Variants in MITF observed in about 807,000 individuals in gnomAD.
The protein encoded by MITF is melanocyte inducing transcription factor, also known as microphthalmia-associated transcription factor.
A neutral mutation model predicts 60.5 loss-of-function variants in MITF; 17 were observed. The observed-to-expected ratio is 0.28, with a 90% CI of 0.19 to 0.42. MITF has a LOEUF of 0.42. Among genes scored for constraint, MITF ranks in the 10% least tolerant of loss-of-function variants. The probability of loss-of-function intolerance (pLI) is 1.00; values close to 1 mark genes in which losing one functional copy is unlikely to be tolerated. For missense variants in MITF, 622 were observed against 683.5 expected, an observed-to-expected ratio of 0.91 and a Z score of 1.00; for synonymous variants, 260 against 248.5, an observed-to-expected ratio of 1.05 and a Z score of -0.43.
chr3:69,832,575 C>T (rs9881217), intron 1 of MITF, among the ~76,000 whole-genome samples: 76,131 of 152,022 alleles, frequency 0.5, 20,761 homozygotes, highest in Non-Finnish European at 0.63. Context: ...GGATCACCTT[C>T]GTAGCTTGCT....
At chr3:69,777,869 G>T (rs76807115) in intron 1 of MITF, among the ~76,000 whole-genome samples, 1 of 152,134 alleles carries the variant, frequency 6.6e-6, no homozygotes, top group African/African-American at 2.4e-5. Context: ...TGGTAAGAAG[G>T]GTGGGCTTTA....
chr3:69,942,713 C>G (rs988136819), intron 5 of MITF, among the ~76,000 whole-genome samples: 40 of 152,136 alleles, frequency 2.6e-4, no homozygotes, highest in African/African-American at 9.4e-4. Context: ...AACCTTCCTG[C>G]TTACAAGTTG....
chr3:69,828,778 C>T (rs2063397074), intron 1 of MITF, among the ~76,000 whole-genome samples: 1 of 152,110 alleles, frequency 6.6e-6, no homozygotes, highest in African/African-American at 2.4e-5. Context: ...CATGTATGAA[C>T]ATATTCCTGG....
intron 1 of MITF, among the ~76,000 whole-genome samples, chr3:69,863,689 G>A (rs1208296890): frequency 6.6e-6 from 1 of 152,118 alleles, no homozygotes; most frequent in African/African-American, 2.4e-5. Flanking sequence ...AGTGCCTAAG[G>A]TGAGAGAGAA....
chr3:69,777,267 T>A (rs995470549), intron 1 of MITF, among the ~76,000 whole-genome samples: 17 of 152,230 alleles, frequency 1.1e-4, no homozygotes, highest in African/African-American at 3.6e-4. Flanking sequence ...GGAGTAAAGT[T>A]TTGACATGGT....
intron 1 of MITF, among the ~76,000 whole-genome samples, chr3:69,841,488 A>G (rs1376024025): frequency 1.3e-5 from 2 of 152,222 alleles, no homozygotes; most frequent in African/African-American, 4.8e-5. Context: ...TATACAATTT[A>G]TATTTTTAAC....
intron 2 of MITF, among the ~76,000 whole-genome samples, chr3:69,880,304 A>G (rs1172996914): frequency 6.6e-6 from 1 of 152,180 alleles, no homozygotes; most frequent in South Asian, 2.1e-4. Flanking sequence ...AAAGTTTACT[A>G]TTAAAGTAAA....
Position 69,967,038 on chromosome 3 carries a change from C to T in MITF, c.*1790C>T, listed in dbSNP as rs149491371. 4.3e-6 allele frequency: 1 copy of T among 232,052 alleles called. No homozygotes were observed. Among genetic ancestry groups the T allele is most frequent in the African/African-American group, 2.2e-5 (1 of 45,306 alleles). The allele number at this position is 232,052 out of a possible 1,614,324, so 14.4% of individuals were successfully genotyped here. On this transcript the variant is annotated 3_prime_UTR_variant, in exon 10 of 10. Transcript: ENST00000352241. The stretch of plus-strand genomic sequence containing the variant: ...AGTGCCAACTTCTTTCATCAGGAAA[C>T]CTTATTCAGGAGGGTTTTTAAAAAG...
chr3:69,739,552 G>T lies in MITF; in HGVS notation c.-46G>T, dbSNP rs759141166. 1 of 1,512,188 alleles carries T rather than the reference G, an allele frequency of 6.6e-7. No homozygotes were observed. The highest frequency in any genetic ancestry group is 1.2e-5 in the South Asian group (1 of 83,332). The allele number at this position is 1,512,188 out of a possible 1,614,324, so 93.7% of individuals were successfully genotyped here. A position where few individuals can be genotyped will look rare whatever the true frequency, so the allele number is the denominator to read the frequency against. ...CCAGCTACCTTCCCTCCGCCCCCGG[G>T]CTCTGTTCTCACTTTCCAGCAGTGG... On this transcript the variant is annotated 5_prime_UTR_variant, in exon 1 of 10. Coordinates refer to ENST00000352241, the MANE Select transcript of MITF (RefSeq NM_001354604.2).
At chr3:69,774,728 G>A (rs902483659) in intron 1 of MITF, among the ~76,000 whole-genome samples, 1 of 152,104 alleles carries the variant, frequency 6.6e-6, no homozygotes, top group Non-Finnish European at 1.5e-5. Flanking sequence ...GTTGGGGTGT[G>A]GGGTGCTAGA....
intron 1 of MITF, among the ~76,000 whole-genome samples, chr3:69,765,336 G>A (rs1460008195): frequency 6.6e-6 from 1 of 152,118 alleles, no homozygotes; most frequent in Non-Finnish European, 1.5e-5. Flanking sequence ...TTACTTTATG[G>A]AAATGAGTGC....
intron 1 of MITF, among the ~76,000 whole-genome samples, chr3:69,874,871 G>A (rs917910352): frequency 6.6e-6 from 1 of 152,160 alleles, no homozygotes; most frequent in East Asian, 1.9e-4. Context: ...TTGGGATTTA[G>A]CAAAACGTCA....
chr3:69,952,705 T>C (rs2066286931), intron 7 of MITF, among the ~76,000 whole-genome samples: 1 of 152,196 alleles, frequency 6.6e-6, no homozygotes, highest in South Asian at 2.1e-4. Flanking sequence ...CTGACCTTTT[T>C]CTGTGTATTA....
chr3:69,881,835 C>A (rs2064496538), intron 2 of MITF, among the ~76,000 whole-genome samples: 1 of 151,986 alleles, frequency 6.6e-6, no homozygotes, highest in Non-Finnish European at 1.5e-5. Context: ...TAAATATTTT[C>A]TCATAGTATG....
At chr3:69,775,070 G>T (rs571360098) in intron 1 of MITF, among the ~76,000 whole-genome samples, 36 of 152,258 alleles carry the variant, frequency 2.4e-4, no homozygotes, top group African/African-American at 8.4e-4. Flanking sequence ...CTTAAAGGTT[G>T]CTTCCCAACC....
intron 1 of MITF, among the ~76,000 whole-genome samples, chr3:69,857,256 C>G (rs1306998020): frequency 6.6e-6 from 1 of 152,008 alleles, no homozygotes; most frequent in East Asian, 1.9e-4. Context: ...AACAGAGAAC[C>G]ATAGAGAGGA....
chr3:69,914,827 C>G (rs559531755), intron 2 of MITF, among the ~76,000 whole-genome samples: 2 of 152,244 alleles, frequency 1.3e-5, no homozygotes, highest in Non-Finnish European at 2.9e-5. Context: ...TGACTTTTTT[C>G]CTTTAGCAGT....
intron 2 of MITF, among the ~76,000 whole-genome samples, chr3:69,886,107 C>A (rs2064610923): frequency 6.6e-6 from 1 of 152,070 alleles, no homozygotes; most frequent in Non-Finnish European, 1.5e-5. Flanking sequence ...GGTAATACCT[C>A]TCCTGGAGGG....
chr3:69,940,298 TC>T (rs748567919), intron 4 of MITF, among the ~76,000 whole-genome samples: 137 of 152,310 alleles, frequency 9.0e-4, no homozygotes, highest in Non-Finnish European at 1.6e-3. Flanking sequence ...CAGAAGAGCA[TC>T]CCTGTTAGTT....
Sources: allele counts gnomAD v4.1 joint callset (sites outside exome capture counted in the v4.1 genomes callset), GRCh38; gene constraint gnomAD v4.1.1; transcripts MANE v1.5; gene names NCBI Gene and HGNC (gene_info 2026-07-23, HGNC 2026-07-21).